The following DIS3L2 variants were observed in gnomAD, a reference collection of about 807,000 sequenced individuals.
DIS3L2 encodes the protein DIS3-like exonuclease 2.
DIS3L2 carries 34 observed loss-of-function variants against 97.5 expected under a neutral mutation model. The ratio of observed to expected loss-of-function variants is 0.35; its 90% CI spans 0.27 to 0.46. The LOEUF (loss-of-function observed/expected upper bound fraction) is 0.46, where lower values mean the gene tolerates loss of function less well. DIS3L2 is among the 20% of genes least tolerant of loss of function. DIS3L2 has a pLI of 1.00. For missense variants in DIS3L2, 1,038 were observed against 1,146.0 expected, an observed-to-expected ratio of 0.91 and a Z score of 1.36; for synonymous variants, 435 against 445.2, an observed-to-expected ratio of 0.98 and a Z score of 0.29.
intron 9 of DIS3L2, among the ~76,000 whole-genome samples, chr2:232,205,438 G>A (rs1246797119): frequency 6.6e-6 from 1 of 151,930 alleles, no homozygotes; most frequent in East Asian, 1.9e-4. Flanking sequence ...GAGTAGCTGG[G>A]ACTACATGCT....
Position 232,074,902 on chromosome 2 carries a change from G to T in DIS3L2, c.367-12585G>T, listed in dbSNP as rs185339336. On this transcript the variant is annotated intron_variant, in intron 5 of 20. Transcript: ENST00000325385. The stretch of plus-strand genomic sequence containing the variant: ...CTGGCCGAGGAACCGTATAGTGAAA[G>T]AATGGCTAAGGACTAGCAGTGCTGC... Among the ~76,000 whole-genome samples, 59 of 152,286 alleles carry T rather than the reference G, an allele frequency of 3.9e-4. 1 individual carries two copies. Among genetic ancestry groups the T allele is most frequent in the Admixed American group, 3.4e-3 (52 of 15,302 alleles).
At chr2:231,976,831 G>T (rs184605842) in intron 1 of DIS3L2, among the ~76,000 whole-genome samples, 1 of 146,704 alleles carries the variant, frequency 6.8e-6, no homozygotes, top group East Asian at 2.1e-4. Flanking sequence ...ACAGTGGCGC[G>T]ATCTTGGCTC....
chr2:232,021,504 C>T (rs950874321), intron 3 of DIS3L2, among the ~76,000 whole-genome samples: 5 of 151,042 alleles, frequency 3.3e-5, no homozygotes, highest in African/African-American at 9.7e-5. Context: ...AGGCTGTGAA[C>T]GTGGGAGAGA....
At chr2:232,322,424 G>A (rs1173242676) in intron 14 of DIS3L2, among the ~76,000 whole-genome samples, 2 of 152,238 alleles carry the variant, frequency 1.3e-5, no homozygotes, top group African/African-American at 2.4e-5. Context: ...GGTCACTTCT[G>A]TGGCCTCCCA....
chr2:232,001,715 CTTTTTTTTTTTT>C (rs36048859), intron 1 of DIS3L2, among the ~76,000 whole-genome samples: 3 of 60,044 alleles, frequency 5.0e-5, no homozygotes, highest in African/African-American at 1.6e-4. Context: ...ATCTTTAATT[CTTTTTTTTTTTT>C]TTTTTTTTTT....
rs547216121 is a variant in DIS3L2, at chr2:232,313,001, G to A, written c.1739+12882G>A. Reference sequence around the variant, plus strand: ...TTTCATAACAATATTTCAGTTCAGTGTAGATGCTTTTTTATTTCCAGTGTA... The same window carrying A: ...TTTCATAACAATATTTCAGTTCAGTATAGATGCTTTTTTATTTCCAGTGTA... On this transcript the variant is annotated intron_variant, in intron 14 of 20. Coordinates refer to ENST00000325385, the MANE Select transcript of DIS3L2 (RefSeq NM_152383.5). Among the ~76,000 whole-genome samples the A allele has an allele frequency of 7.2e-5, 11 of 152,206 alleles. No individual in the cohort carries two copies. The South Asian group carries it at 2.3e-3, about 32-fold the overall frequency.
intron 6 of DIS3L2, among the ~76,000 whole-genome samples, chr2:232,105,216 A>G (rs1697327336): frequency 6.6e-6 from 1 of 152,166 alleles, no homozygotes; most frequent in East Asian, 1.9e-4. Context: ...TTGGTGTACA[A>G]CTATCCGTTT....
At position 232,330,755 on chromosome 2, in the gene DIS3L2, CAT is replaced by C; in HGVS notation, c.1990_1991del (p.Met664ValfsTer58). 1 of 1,612,472 alleles carries C rather than the reference CAT, an allele frequency of 6.2e-7. No individual in the cohort carries two copies. The highest frequency in any genetic ancestry group is 8.5e-7 in the Non-Finnish European group (1 of 1,180,012). ...TGGCCCGCAAGGAGGTGCTCACCAA[CAT>C]GTGCTCCCGGCCCATGCAGGTAAGG... ...SLARKEVLTN[M>X]CSRPMQMALY... On this transcript the variant is annotated frameshift_variant, in exon 16 of 21. Coordinates refer to ENST00000325385, the MANE Select transcript of DIS3L2 (RefSeq NM_152383.5). LOFTEE classifies it high-confidence loss of function.
chr2:232,112,516 C>A (rs868600552), intron 6 of DIS3L2, among the ~76,000 whole-genome samples: 27 of 152,254 alleles, frequency 1.8e-4, no homozygotes, highest in Middle Eastern at 3.4e-3. Context: ...AGTGGGAAGT[C>A]CCCTTACTGA....
chr2:232,061,156 T>C (rs1287566226), intron 5 of DIS3L2, among the ~76,000 whole-genome samples: 1 of 152,242 alleles, frequency 6.6e-6, no homozygotes, highest in Non-Finnish European at 1.5e-5. Flanking sequence ...TCTTGTCTGA[T>C]TGCTCTAGCT....
chr2:232,310,221 G>C (rs1695086938), intron 14 of DIS3L2, among the ~76,000 whole-genome samples: 1 of 152,184 alleles, frequency 6.6e-6, no homozygotes. Context: ...TTAGGAGAAA[G>C]GGGGGCTTGA....
At chr2:232,186,725 T>C (rs1480779111) in intron 9 of DIS3L2, among the ~76,000 whole-genome samples, 1 of 152,192 alleles carries the variant, frequency 6.6e-6, no homozygotes, top group African/African-American at 2.4e-5. Context: ...AAAAAAGTGT[T>C]CTAAACTATG....
chr2:231,989,847 A>G (rs751245727), intron 1 of DIS3L2, among the ~76,000 whole-genome samples: 8 of 152,106 alleles, frequency 5.3e-5, no homozygotes, highest in Non-Finnish European at 1.0e-4. Flanking sequence ...TGTCTCAAAC[A>G]ACAACAACAA....
intron 9 of DIS3L2, among the ~76,000 whole-genome samples, chr2:232,197,825 G>A (rs2106203211): frequency 6.6e-6 from 1 of 152,010 alleles, no homozygotes; most frequent in Admixed American, 6.6e-5. Context: ...AATTAGCTAG[G>A]TGTGGTGGCA....
chr2:232,096,619 T>G (rs1159629425), intron 6 of DIS3L2, among the ~76,000 whole-genome samples: 1 of 152,140 alleles, frequency 6.6e-6, no homozygotes, highest in Non-Finnish European at 1.5e-5. Context: ...TTTATTCTTT[T>G]TTCTCTTGTC....
chr2:232,333,176 G>GCCGCCTCCT (rs1695806357), intron 16 of DIS3L2, among the ~76,000 whole-genome samples: 1 of 26,158 alleles, frequency 3.8e-5, no homozygotes, highest in Non-Finnish European at 8.4e-5. Context: ...CTCCGCTGTC[G>GCCGCCTCCT]CCTCCTCCTC....
chr2:232,319,674 G>A (rs993802710), intron 14 of DIS3L2, among the ~76,000 whole-genome samples: 2 of 152,214 alleles, frequency 1.3e-5, no homozygotes, highest in Non-Finnish European at 2.9e-5. Context: ...CTGTGAAGAA[G>A]CTCCCAGATT....
chr2:232,337,043 A>G lies in DIS3L2; in HGVS notation c.*413A>G. The G allele has an allele frequency of 1.9e-6, 2 of 1,061,960 alleles. No homozygotes were observed. Among genetic ancestry groups the G allele is most frequent in the Non-Finnish European group, 2.3e-6 (2 of 877,848 alleles). The allele number at this position is 1,061,960 out of a possible 1,614,324, so 65.8% of individuals were successfully genotyped here. A position where few individuals can be genotyped will look rare whatever the true frequency, so the allele number is the denominator to read the frequency against. ...ATGCCCCTTGCACCCAGGGCAAGGG[A>G]CCCAGTTCAGGCTTCACCCCTCGCT... On this transcript the variant is annotated 3_prime_UTR_variant, in exon 21 of 21. Coordinates refer to ENST00000325385, the MANE Select transcript of DIS3L2 (RefSeq NM_152383.5).
chr2:232,006,789 T>G (rs1031716307), intron 1 of DIS3L2, among the ~76,000 whole-genome samples: 1 of 152,212 alleles, frequency 6.6e-6, no homozygotes, highest in Non-Finnish European at 1.5e-5. Context: ...ACCACAAGAC[T>G]GTTGTGTTCT....
Sources: allele counts gnomAD v4.1 joint callset (sites outside exome capture counted in the v4.1 genomes callset), GRCh38; gene constraint gnomAD v4.1.1; transcripts MANE v1.5; gene names NCBI Gene and HGNC (gene_info 2026-07-23, HGNC 2026-07-21).